The following FSIP1 variants were observed in gnomAD, a reference collection of about 807,000 sequenced individuals.
FSIP1 encodes fibrous sheath-interacting protein 1.
In FSIP1, 65 loss-of-function variants were observed where a neutral mutation model predicts 60.9. That is an observed-to-expected ratio of 1.07 (90% CI 0.87 to 1.31). The LOEUF (loss-of-function observed/expected upper bound fraction) is 1.31, where lower values mean the gene tolerates loss of function less well. FSIP1 is among the 40% of genes most tolerant of loss of function. The pLI is 0.00. For missense variants in FSIP1, 675 were observed against 665.5 expected, an observed-to-expected ratio of 1.01 and a Z score of -0.16; for synonymous variants, 209 against 221.2, an observed-to-expected ratio of 0.94 and a Z score of 0.49.
intron 8 of FSIP1, among the ~76,000 whole-genome samples, chr15:39,727,232 C>A (rs11855578): frequency 0.19 from 29,068 of 152,164 alleles, 3,314 homozygotes; most frequent in East Asian, 0.41. Flanking sequence ...ATTATCTCAT[C>A]AAACCCATTC....
chr15:39,721,687 C>A (rs1216793689), intron 9 of FSIP1, among the ~76,000 whole-genome samples: 5 of 152,170 alleles, frequency 3.3e-5, no homozygotes, highest in African/African-American at 1.2e-4. Flanking sequence ...GCCTTAGGGC[C>A]TGCCATACAA....
chr15:39,753,647 T>C (rs1028936182), intron 5 of FSIP1, among the ~76,000 whole-genome samples: 2 of 152,116 alleles, frequency 1.3e-5, no homozygotes, highest in Non-Finnish European at 2.9e-5. Flanking sequence ...TTTAAATATA[T>C]ATTGAAATGC....
At chr15:39,600,998 G>T in intron 11 of FSIP1, 72 bp from the exon 12 acceptor site, 1 of 1,206,534 alleles carries the variant, frequency 8.3e-7, no homozygotes, top group Non-Finnish European at 1.2e-6. Flanking sequence ...AAACAACTCA[G>T]CCTATAAAAT....
At chr15:39,686,912 G>T (rs1489196149) in intron 10 of FSIP1, among the ~76,000 whole-genome samples, 1 of 152,094 alleles carries the variant, frequency 6.6e-6, no homozygotes, top group Non-Finnish European at 1.5e-5. Flanking sequence ...AGACAGTTCT[G>T]CCTACTTGTC....
At chr15:39,753,655 T>C (rs558256075) in intron 5 of FSIP1, among the ~76,000 whole-genome samples, 1 of 152,106 alleles carries the variant, frequency 6.6e-6, no homozygotes, top group East Asian at 1.9e-4. Context: ...TATATTGAAA[T>C]GCATTCAATA....
At chr15:39,753,009 A>T (rs1008837830) in intron 5 of FSIP1, among the ~76,000 whole-genome samples, 1 of 152,148 alleles carries the variant, frequency 6.6e-6, no homozygotes, top group Non-Finnish European at 1.5e-5. Context: ...TACAAACAAT[A>T]TGAAAAAGAA....
intron 10 of FSIP1, among the ~76,000 whole-genome samples, chr15:39,653,672 A>C (rs909317894): frequency 1.2e-4 from 19 of 152,160 alleles, no homozygotes; most frequent in African/African-American, 4.6e-4. Context: ...TGATGTTCTC[A>C]TAACAGCGAA....
intron 8 of FSIP1, among the ~76,000 whole-genome samples, chr15:39,736,448 T>G (rs965663046): frequency 1.3e-5 from 2 of 152,210 alleles, no homozygotes; most frequent in African/African-American, 4.8e-5. Flanking sequence ...CAGAACTTTT[T>G]TAAATAGGAG....
intron 3 of FSIP1, among the ~76,000 whole-genome samples, chr15:39,766,865 G>A (rs1260787831): frequency 6.6e-6 from 1 of 152,040 alleles, no homozygotes; most frequent in Non-Finnish European, 1.5e-5. Flanking sequence ...TAAGAGACAG[G>A]ATCTCATTCT....
At chr15:39,738,782 G>A (rs997367476) in intron 7 of FSIP1, among the ~76,000 whole-genome samples, 1 of 152,166 alleles carries the variant, frequency 6.6e-6, no homozygotes, top group Non-Finnish European at 1.5e-5. Context: ...CAAGATGGAG[G>A]TTTCCTGAAG....
chr15:39,648,494 G>A (rs1429143985), intron 10 of FSIP1, among the ~76,000 whole-genome samples: 3 of 152,144 alleles, frequency 2.0e-5, no homozygotes. Context: ...CATCTGCCGT[G>A]GTTGGGAACC....
At chr15:39,680,152 C>CA (rs918198973) in intron 10 of FSIP1, among the ~76,000 whole-genome samples, 3 of 150,710 alleles carry the variant, frequency 2.0e-5, no homozygotes, top group Non-Finnish European at 3.0e-5. Context: ...GACTCTGTCT[C>CA]AAAAAAAATA....
At position 39,702,875 on chromosome 15, in the gene FSIP1, G is replaced by A. The variant is rs189433848; in HGVS notation, c.1188+10569C>T. Among the ~76,000 whole-genome samples, 46 of 151,712 alleles carry A rather than the reference G, an allele frequency of 3.0e-4. 1 individual carries two copies. Among genetic ancestry groups the A allele is most frequent in the African/African-American group, 1.0e-3 (43 of 41,364 alleles). ...ATTCAGAAAGCAAAAGGTAAGTTAT[G>A]TTAAAACCTAACTAGTCGTATTACC... On this transcript the variant is annotated intron_variant, in intron 10 of 11. Transcript: ENST00000350221.
chr15:39,627,130 G>A (rs562845763), intron 10 of FSIP1, among the ~76,000 whole-genome samples: 76 of 152,270 alleles, frequency 5.0e-4, no homozygotes, highest in Admixed American at 3.1e-3. Flanking sequence ...CAAGTCAAAC[G>A]GCCAGGCTGC....
intron 10 of FSIP1, among the ~76,000 whole-genome samples, chr15:39,667,054 T>G (rs1388874715): frequency 1.3e-5 from 2 of 152,166 alleles, no homozygotes; most frequent in Non-Finnish European, 2.9e-5. Flanking sequence ...TGTGAAAAGA[T>G]GGCCTAGTGG....
intron 10 of FSIP1, among the ~76,000 whole-genome samples, chr15:39,675,154 A>C (rs1296643987): frequency 6.6e-6 from 1 of 152,182 alleles, no homozygotes; most frequent in Non-Finnish European, 1.5e-5. Context: ...ATTGGCAAAA[A>C]TTTTTAAGTC....
chr15:39,768,953 G>A (rs559689495), intron 3 of FSIP1, among the ~76,000 whole-genome samples: 26 of 152,202 alleles, frequency 1.7e-4, no homozygotes, highest in African/African-American at 5.1e-4. Context: ...ATTACACAAC[G>A]GCATCAGTTA....
At chr15:39,752,054 G>T (rs1208315425) in intron 5 of FSIP1, among the ~76,000 whole-genome samples, 1 of 151,862 alleles carries the variant, frequency 6.6e-6, no homozygotes, top group Non-Finnish European at 1.5e-5. Context: ...CAAAATTCTG[G>T]AGAAGAAAAG....
chr15:39,707,487 A>G (rs2140537818), intron 10 of FSIP1, among the ~76,000 whole-genome samples: 1 of 152,086 alleles, frequency 6.6e-6, no homozygotes, highest in East Asian at 1.9e-4. Context: ...TTTCACCCCA[A>G]GTCAGGAAAA....
Sources: gnomAD v4.1 joint callset for allele counts (sites outside exome capture counted in the v4.1 genomes callset) on GRCh38, gnomAD v4.1.1 for gene constraint, MANE v1.5 for transcripts, NCBI Gene and HGNC (gene_info 2026-07-23, HGNC 2026-07-21) for gene names.